The following PTPRK variants were observed in gnomAD, a reference collection of about 807,000 sequenced individuals.
The protein encoded by PTPRK is receptor-type tyrosine-protein phosphatase kappa.
PTPRK carries 75 observed loss-of-function variants against 178.0 expected under a neutral mutation model. The ratio of observed to expected loss-of-function variants is 0.42; its 90% CI spans 0.35 to 0.51. The LOEUF (loss-of-function observed/expected upper bound fraction) is 0.51. Ranked by LOEUF, PTPRK falls within the 20% of genes least tolerant of loss-of-function variation. The pLI is 0.02. For synonymous variants in PTPRK, 637 were observed against 620.6 expected, an observed-to-expected ratio of 1.03 and a Z score of -0.39; for missense variants, 1,441 against 1,797.8, an observed-to-expected ratio of 0.80 and a Z score of 3.59.
At chr6:128,491,775 G>A (rs758076337) in intron 1 of PTPRK, 12 of 518,230 alleles carry the variant, frequency 2.3e-5, no homozygotes, top group Middle Eastern at 3.2e-4. Context: ...TTCTGTGTGC[G>A]TGATAGATGG....
intron 1 of PTPRK, among the ~76,000 whole-genome samples, chr6:128,411,112 C>T (rs1467300470): frequency 6.6e-6 from 1 of 152,052 alleles, no homozygotes; most frequent in African/African-American, 2.4e-5. Flanking sequence ...AGGCTAGTCT[C>T]GAACTTCTGA....
chr6:128,357,641 T>C (rs1225132980), intron 2 of PTPRK, among the ~76,000 whole-genome samples: 1 of 152,224 alleles, frequency 6.6e-6, no homozygotes, highest in Non-Finnish European at 1.5e-5. Context: ...GTTGGCTCTT[T>C]GTAGCCAGAA....
chr6:128,209,510 C>T (rs1303453535), intron 6 of PTPRK, among the ~76,000 whole-genome samples: 1 of 152,156 alleles, frequency 6.6e-6, no homozygotes, highest in Non-Finnish European at 1.5e-5. Context: ...CTCAGCACAT[C>T]CCCTGACCAT....
chr6:128,249,941 T>C (rs1003264384), intron 3 of PTPRK, among the ~76,000 whole-genome samples: 40 of 152,146 alleles, frequency 2.6e-4, no homozygotes, highest in African/African-American at 9.2e-4. Context: ...TTCCCACATG[T>C]TGTGGGAGGG....
intron 1 of PTPRK, among the ~76,000 whole-genome samples, chr6:128,452,842 G>A (rs752108724): frequency 3.9e-5 from 6 of 152,032 alleles, no homozygotes; most frequent in African/African-American, 1.2e-4. Context: ...ATTGGCTTCC[G>A]GAGATGGCTA....
At chr6:128,204,785 G>C (rs551419982) in intron 6 of PTPRK, among the ~76,000 whole-genome samples, 1 of 152,262 alleles carries the variant, frequency 6.6e-6, no homozygotes, top group East Asian at 1.9e-4. Context: ...TGGCAAGGGT[G>C]TGGAGAAAAA....
intron 1 of PTPRK, among the ~76,000 whole-genome samples, chr6:128,445,310 A>G (rs1261379259): frequency 6.8e-6 from 1 of 148,024 alleles, no homozygotes; most frequent in African/African-American, 2.5e-5. Flanking sequence ...AATACTATAA[A>G]ATAGCATTTA....
intron 7 of PTPRK, among the ~76,000 whole-genome samples, chr6:128,158,038 T>C (rs1045340897): frequency 3.9e-5 from 6 of 152,062 alleles, no homozygotes; most frequent in African/African-American, 1.4e-4. Context: ...TGGTATTGCC[T>C]AGGTTTTCTC....
chr6:128,002,563 C>T (rs1306614692), intron 15 of PTPRK, among the ~76,000 whole-genome samples: 1 of 151,756 alleles, frequency 6.6e-6, no homozygotes, highest in Non-Finnish European at 1.5e-5. Flanking sequence ...TCTGTAAAAG[C>T]GTTAATTGTC....
intron 13 of PTPRK, among the ~76,000 whole-genome samples, chr6:128,023,241 C>A (rs114527351): frequency 0.022 from 3,421 of 152,162 alleles, 125 homozygotes; most frequent in African/African-American, 0.077. Flanking sequence ...TCTTAGCTGA[C>A]GAGTGATTTC....
chr6:128,002,242 G>A (rs1196273644), intron 15 of PTPRK, among the ~76,000 whole-genome samples: 1 of 151,646 alleles, frequency 6.6e-6, no homozygotes, highest in Non-Finnish European at 1.5e-5. Context: ...TTGATTGTAT[G>A]TATAACAAAA....
At chr6:128,128,241 T>C (rs980547061) in intron 7 of PTPRK, among the ~76,000 whole-genome samples, 3 of 152,208 alleles carry the variant, frequency 2.0e-5, no homozygotes, top group African/African-American at 7.2e-5. Context: ...CAGTAATACA[T>C]GTAATACATG....
intron 3 of PTPRK, among the ~76,000 whole-genome samples, chr6:128,308,335 A>G (rs1826742247): frequency 6.6e-6 from 1 of 151,992 alleles, no homozygotes; most frequent in South Asian, 2.1e-4. Flanking sequence ...AGTACTGGTA[A>G]GATTAAGTCG....
intron 2 of PTPRK, among the ~76,000 whole-genome samples, chr6:128,367,663 G>A (rs184198131): frequency 2.2e-4 from 34 of 152,198 alleles, no homozygotes; most frequent in Non-Finnish European, 1.5e-5. Context: ...TTGGCACAAG[G>A]CCAATACTAC....
chr6:128,405,242 G>A (rs1366409457), intron 1 of PTPRK, among the ~76,000 whole-genome samples: 1 of 152,038 alleles, frequency 6.6e-6, no homozygotes, highest in East Asian at 1.9e-4. Flanking sequence ...ACTCTTGCTT[G>A]GCAACCTTCC....
At chr6:128,296,563 C>G (rs1213038868) in intron 3 of PTPRK, among the ~76,000 whole-genome samples, 1 of 152,100 alleles carries the variant, frequency 6.6e-6, no homozygotes, top group Non-Finnish European at 1.5e-5. Flanking sequence ...GAGTGGGGGC[C>G]AATATTCAAC....
chr6:128,492,866 C>A (rs1018463625), intron 1 of PTPRK, among the ~76,000 whole-genome samples: 2 of 152,194 alleles, frequency 1.3e-5, no homozygotes, highest in African/African-American at 4.8e-5. Context: ...CCTTTCCAAG[C>A]CTAGACCTGC....
chr6:128,470,706 G>A (rs1192966729), intron 1 of PTPRK, among the ~76,000 whole-genome samples: 2 of 147,398 alleles, frequency 1.4e-5, no homozygotes, highest in African/African-American at 5.0e-5. Context: ...AGATTTTACA[G>A]GTTCAATGAG....
chr6:128,131,795 T>A (rs1229494952), intron 7 of PTPRK, among the ~76,000 whole-genome samples: 2 of 152,250 alleles, frequency 1.3e-5, no homozygotes, highest in African/African-American at 4.8e-5. Context: ...ACTGTGTTTA[T>A]TTAATGTCAA....
Sources: allele counts gnomAD v4.1 joint callset (sites outside exome capture counted in the v4.1 genomes callset), GRCh38; gene constraint gnomAD v4.1.1; transcripts MANE v1.5; gene names NCBI Gene and HGNC (gene_info 2026-07-23, HGNC 2026-07-21).